The following RO60 variants were observed in gnomAD, a reference collection of about 807,000 sequenced individuals.
RO60 encodes RNA-binding protein RO60.
In RO60, 20 loss-of-function variants were observed where a neutral mutation model predicts 55.3. The observed-to-expected ratio is 0.36, with a 90% CI of 0.25 to 0.53. RO60 has a LOEUF of 0.53. Among genes scored for constraint, RO60 ranks in the 20% least tolerant of loss-of-function variants. RO60 has a pLI of 0.92. For synonymous variants in RO60, 213 were observed against 213.6 expected, an observed-to-expected ratio of 1.00 and a Z score of 0.02; for missense variants, 558 against 646.6, an observed-to-expected ratio of 0.86 and a Z score of 1.49.
At chr1:193,067,649 CTCAA>C (rs1278667086) in intron 1 of RO60, among the ~76,000 whole-genome samples, 1 of 152,084 alleles carries the variant, frequency 6.6e-6, no homozygotes, top group Non-Finnish European at 1.5e-5. Context: ...ATTGAAGGAC[CTCAA>C]TAAACAGTGA....
intron 5 of RO60, among the ~76,000 whole-genome samples, chr1:193,078,884 C>T (rs1483950435): frequency 6.6e-6 from 1 of 151,410 alleles, no homozygotes; most frequent in Non-Finnish European, 1.5e-5. Context: ...TTCTAAAATT[C>T]CTAAGAAATT....
chr1:193,070,981 A>G (rs1673450770), intron 2 of RO60, among the ~76,000 whole-genome samples: 1 of 152,168 alleles, frequency 6.6e-6, no homozygotes, highest in African/African-American at 2.4e-5. Context: ...GCAGTCCACA[A>G]CCCTTCTGAT....
At chr1:193,068,978 C>T in intron 1 of RO60, 56 bp from the exon 2 acceptor site, 7 of 1,188,422 alleles carry the variant, frequency 5.9e-6, no homozygotes, top group Non-Finnish European at 8.3e-6. Context: ...TTTTGTTTTC[C>T]TTTTGTAATT....
downstream of RO60, chr1:193,091,565 A>G: frequency 8.9e-7 from 1 of 1,121,710 alleles, no homozygotes; most frequent in South Asian, 1.3e-5. Context: ...TCTAATAGAG[A>G]ATGAATGAAT....
At chr1:193,063,333 A>G (rs1042503830) in intron 1 of RO60, among the ~76,000 whole-genome samples, 5 of 152,110 alleles carry the variant, frequency 3.3e-5, no homozygotes, top group African/African-American at 1.2e-4. Flanking sequence ...TTGGAAAAAC[A>G]CCTTTTCAGA....
At chr1:193,064,599 A>G (rs1456420007) in intron 1 of RO60, among the ~76,000 whole-genome samples, 1 of 152,240 alleles carries the variant, frequency 6.6e-6, no homozygotes. Context: ...GTAAATTTAT[A>G]TAATCAAGTA....
At chr1:193,076,847 C>A in intron 4 of RO60, 66 bp from the exon 5 acceptor site, 1 of 1,505,130 alleles carries the variant, frequency 6.6e-7, no homozygotes, top group Non-Finnish European at 9.0e-7. Context: ...TACAATAACA[C>A]AAAAATCTAA....
chr1:193,070,513 A>G lies in RO60; in HGVS notation c.580+879A>G, dbSNP rs931277315. On this transcript the variant is annotated intron_variant, in intron 2 of 8. Transcript: ENST00000400968. ...AGTGTGAAGTTCCACAAAAATCAACATGTTCAAAATTTGACTTTTTTTTTT... is the reference window on the plus strand; with the variant it reads ...AGTGTGAAGTTCCACAAAAATCAACGTGTTCAAAATTTGACTTTTTTTTTT... The G allele has an allele frequency of 1.5e-5, 6 of 410,768 alleles. No individual in the cohort carries two copies. In the East Asian group the frequency reaches 2.2e-4, roughly 15 times the overall value. 25.4% of individuals were successfully genotyped at this position (410,768 alleles called of 1,614,324 possible). A position where few individuals can be genotyped will look rare whatever the true frequency, so the allele number is the denominator to read the frequency against.
intron 1 of RO60, among the ~76,000 whole-genome samples, chr1:193,061,908 C>T (rs146344187): frequency 0.013 from 1,911 of 150,932 alleles, 40 homozygotes; most frequent in African/African-American, 0.043. Flanking sequence ...CGCTTGAACT[C>T]GGAGGGCGGA....
chr1:193,076,636 C>A lies in RO60; in HGVS notation c.937C>A (p.Leu313Ile). ...ATGTGAAAAACTGTGTAATGAAAAACTATTAAAAAAGGTAAGCATTATCAT... is the reference window on the plus strand; with the variant it reads ...ATGTGAAAAACTGTGTAATGAAAAAATATTAAAAAAGGTAAGCATTATCAT... ...LVCEKLCNEKLLKKARIHPFH... is the reference protein window; with the variant it reads ...LVCEKLCNEKILKKARIHPFH... The change falls in exon 4 of 9, where the codon CTA becomes ATA. Residue 313 changes from leucine to isoleucine, a missense_variant. Coordinates refer to ENST00000400968, the MANE Select transcript of RO60 (RefSeq NM_001173524.2). 2 of 1,597,822 alleles carry A rather than the reference C, an allele frequency of 1.3e-6. No individual in the cohort carries two copies. Among genetic ancestry groups the A allele is most frequent in the Admixed American group, 1.8e-5 (1 of 55,804 alleles).
intron 1 of RO60, among the ~76,000 whole-genome samples, chr1:193,062,280 A>T (rs377516142): frequency 3.9e-5 from 6 of 152,092 alleles, no homozygotes; most frequent in Non-Finnish European, 7.4e-5. Flanking sequence ...GAGGCAGGAG[A>T]TGATGGCAGT....
At position 193,087,657 on chromosome 1, in the gene RO60, A is replaced by G. The variant is rs1340608239; in HGVS notation, c.*2926A>G. The G allele has an allele frequency of 1.3e-5, 2 of 152,160 alleles. No homozygotes were observed. The highest frequency in any genetic ancestry group is 6.5e-5 in the Admixed American group (1 of 15,278). 9.4% of individuals were successfully genotyped at this position (152,160 alleles called of 1,614,324 possible). A position where few individuals can be genotyped will look rare whatever the true frequency, so the allele number is the denominator to read the frequency against. The stretch of plus-strand genomic sequence containing the variant: ...ATTATTTTTATCCTTAAAAAGTAAC[A>G]TATCTGTGCTTGGATCATAGAAGAA... On this transcript the variant is annotated 3_prime_UTR_variant, in exon 9 of 9. Transcript: ENST00000400968.
Position 193,082,699 on chromosome 1 carries a change from G to A in RO60, c.1455G>A (p.Glu485=). The stretch of plus-strand genomic sequence containing the variant: ...TCCATCCTGCTATTGCTCTGAGGGA[G>A]TATCGAAAGGTAAAACAAATTCTAA... ...GGVHPAIALR[E]YRKKMDIPAK... is the part of the protein sequence containing the mutation. The change falls in exon 8 of 9, where the codon GAG becomes GAA. Residue 485 remains glutamate (E), a synonymous_variant. Transcript: ENST00000400968. 2 of 1,608,042 alleles carry A rather than the reference G, an allele frequency of 1.2e-6. No homozygotes were observed. Among genetic ancestry groups the A allele is most frequent in the Non-Finnish European group, 1.7e-6 (2 of 1,177,616 alleles).
chr1:193,083,906 CTGTT>C (rs1195864587), intron 8 of RO60, among the ~76,000 whole-genome samples: 5 of 152,122 alleles, frequency 3.3e-5, no homozygotes, highest in African/African-American at 9.7e-5. Context: ...AGAGTAAAGA[CTGTT>C]TGGTTGTGAG....
At position 193,069,576 on chromosome 1, in the gene RO60, A is replaced by G; in HGVS notation, c.522A>G (p.Arg174=). 6.2e-7 allele frequency: 1 copy of G among 1,614,140 alleles called. No homozygotes were observed. The highest frequency in any genetic ancestry group is 8.5e-7 in the Non-Finnish European group (1 of 1,180,032). ...LALAVTKYKQ[R]NGWSHKDLLR... ...TGGCAGTTACAAAATATAAACAGAG[A>G]AATGGCTGGTCTCACAAAGATCTAT... The change falls in exon 2 of 9, where the codon AGA becomes AGG. Residue 174 remains arginine, a synonymous_variant. Transcript: ENST00000400968.
intron 1 of RO60, among the ~76,000 whole-genome samples, chr1:193,060,591 C>T (rs1331685423): frequency 1.3e-5 from 2 of 152,168 alleles, no homozygotes; most frequent in Admixed American, 6.5e-5. Context: ...AGTTAGGGAG[C>T]CTTGTGCTAC....
At position 193,082,237 on chromosome 1, in the gene RO60, A is replaced by C; in HGVS notation, c.1255A>C (p.Met419Leu). 6.2e-7 allele frequency: 1 copy of C among 1,613,532 alleles called. No homozygotes were observed. The highest frequency in any genetic ancestry group is 8.5e-7 in the Non-Finnish European group (1 of 1,179,740). Residue 419 changes from methionine to leucine, a missense_variant, in exon 7 of 9, where the codon ATG becomes CTG. Met to Leu is a conservative substitution (Grantham distance 15). Coordinates refer to ENST00000400968, the MANE Select transcript of RO60 (RefSeq NM_001173524.2). ...TTATGTAGTTGCTTTTTCCGATGAAATGGTACCATGTCCAGTGACTACAGA... is the reference window on the plus strand; with the variant it reads ...TTATGTAGTTGCTTTTTCCGATGAACTGGTACCATGTCCAGTGACTACAGA... ...DSYVVAFSDE[M>L]VPCPVTTDMT...
At position 193,089,916 on chromosome 1, in the gene RO60, C is replaced by T. The variant is rs1056031944; in HGVS notation, c.*5185C>T. 1 of 152,074 alleles carries T rather than the reference C, an allele frequency of 6.6e-6. No homozygotes were observed. Among genetic ancestry groups the T allele is most frequent in the Non-Finnish European group, 1.5e-5 (1 of 68,082 alleles). 9.4% of individuals were successfully genotyped at this position (152,074 alleles called of 1,614,324 possible). On this transcript the variant is annotated 3_prime_UTR_variant, in exon 9 of 9. Coordinates refer to ENST00000400968, the MANE Select transcript of RO60 (RefSeq NM_001173524.2). Reference sequence around the variant, plus strand: ...CATTTCCCAGGTTCAAGCAATTCTCCTGCCTCAGCCTCCCAAGTAGCTGGG... The same window carrying T: ...CATTTCCCAGGTTCAAGCAATTCTCTTGCCTCAGCCTCCCAAGTAGCTGGG...
Position 193,073,340 on chromosome 1 carries a change from C to T in RO60, c.581-2480C>T, listed in dbSNP as rs571264978. Among the ~76,000 whole-genome samples, 6 of 152,276 alleles carry T rather than the reference C, an allele frequency of 3.9e-5. No homozygotes were observed. In the South Asian group the frequency reaches 1.2e-3, roughly 32 times the overall value. On this transcript the variant is annotated intron_variant, in intron 2 of 8. Transcript: ENST00000400968. Reference sequence around the variant, plus strand: ...TAGCATTCAAAAATAACATAATAGGCTCAGTTGGCATAGAGATGTGTTTCA... The same window carrying T: ...TAGCATTCAAAAATAACATAATAGGTTCAGTTGGCATAGAGATGTGTTTCA...
Sources: allele counts gnomAD v4.1 joint callset (sites outside exome capture counted in the v4.1 genomes callset), GRCh38; gene constraint gnomAD v4.1.1; transcripts MANE v1.5; gene names NCBI Gene and HGNC (gene_info 2026-07-23, HGNC 2026-07-21).